Variants in ZC3H4 observed in about 807,000 individuals in gnomAD.
The protein encoded by ZC3H4 is zinc finger CCCH-type containing 4.
Under a neutral mutation model 108.3 loss-of-function variants are expected in ZC3H4, and 13 were observed. That is an observed-to-expected ratio of 0.12 (90% CI 0.08 to 0.19). The LOEUF (loss-of-function observed/expected upper bound fraction) is 0.19, where lower values mean the gene tolerates loss of function less well. ZC3H4 is among the 10% of genes least tolerant of loss of function. The pLI, the probability that ZC3H4 is intolerant of heterozygous loss-of-function variation, is 1.00. For missense variants in ZC3H4, 1,734 were observed against 1,838.8 expected (o/e 0.94, Z 1.04); for synonymous variants, 917 against 749.6 (o/e 1.22, Z -3.65).
rs1376307211 is a variant in ZC3H4, at chr19:47,083,494, C to T, written c.1218+851G>A. On this transcript the variant is annotated intron_variant, in intron 9 of 14. Transcript: ENST00000253048. Reference sequence around the variant, plus strand: ...TCCCAGCACTTCAGGAGGCTGGAATCAGGAGTTTGGGACCAGCCTGGCCAA... The same window carrying T: ...TCCCAGCACTTCAGGAGGCTGGAATTAGGAGTTTGGGACCAGCCTGGCCAA... Among the ~76,000 whole-genome samples the T allele has an allele frequency of 2.0e-5, 3 of 152,106 alleles. No individual in the cohort carries two copies. The East Asian group carries it at 5.8e-4, about 29-fold the overall frequency.
chr19:47,106,130 C>T (rs2057965454), intron 2 of ZC3H4, among the ~76,000 whole-genome samples: 1 of 152,232 alleles, frequency 6.6e-6, no homozygotes, highest in South Asian at 2.1e-4. Context: ...ACCTTCAGGT[C>T]AATTGTGCAC....
intron 11 of ZC3H4, among the ~76,000 whole-genome samples, chr19:47,080,239 A>G (rs2057496941): frequency 6.6e-6 from 1 of 152,222 alleles, no homozygotes; most frequent in South Asian, 2.1e-4. Flanking sequence ...CTCAGGACTG[A>G]TGTTTGGGTA....
chr19:47,073,977 G>GTGGGTGTC (rs1177646445), intron 11 of ZC3H4, among the ~76,000 whole-genome samples: 1 of 152,264 alleles, frequency 6.6e-6, no homozygotes, highest in Admixed American at 6.5e-5. Context: ...AAGAGCAGGG[G>GTGGGTGTC]TGGGTGTCTG....
At chr19:47,085,638 G>A (rs912336393) in intron 6 of ZC3H4, among the ~76,000 whole-genome samples, 21 of 152,132 alleles carry the variant, frequency 1.4e-4, no homozygotes, top group African/African-American at 4.8e-4. Context: ...GCCTCCCTAC[G>A]TACACATCAC....
intron 11 of ZC3H4, among the ~76,000 whole-genome samples, chr19:47,073,946 T>C (rs2057374195): frequency 6.6e-6 from 1 of 152,228 alleles, no homozygotes; most frequent in Non-Finnish European, 1.5e-5. Context: ...TCTCAACTCC[T>C]GACCATGACC....
chr19:47,112,306 T>A, intron 2 of ZC3H4, 118 bp downstream of exon 2: 1 of 1,056,330 alleles, frequency 9.5e-7, no homozygotes, highest in Non-Finnish European at 1.2e-6. Context: ...CCGCCCTTCC[T>A]CCTCCTCCTC....
Position 47,066,245 on chromosome 19 carries a change from G to GA in ZC3H4, c.*110dup. 2.5e-6 allele frequency: 2 copies of GA among 810,826 alleles called. No homozygotes were observed. The highest frequency in any genetic ancestry group is 3.1e-5 in the East Asian group (1 of 32,368). The allele number at this position is 810,826 out of a possible 1,614,324, so 50.2% of individuals were successfully genotyped here. A position where few individuals can be genotyped will look rare whatever the true frequency, so the allele number is the denominator to read the frequency against. On this transcript the variant is annotated 3_prime_UTR_variant, in exon 15 of 15. Coordinates refer to ENST00000253048, the MANE Select transcript of ZC3H4 (RefSeq NM_015168.2). The stretch of plus-strand genomic sequence containing the variant: ...GACGGAAAGCAAAAGAAAAAGAAAA[G>GA]AAAAAAGGAACACCCAGCCTGCCTC...
chr19:47,088,525 G>A (rs566318659), intron 5 of ZC3H4, among the ~76,000 whole-genome samples: 1 of 151,298 alleles, frequency 6.6e-6, no homozygotes, highest in Admixed American at 6.6e-5. Flanking sequence ...TCCAGCCTGG[G>A]CAAAAAGTGA....
chr19:47,079,974 T>C (rs890903210), intron 11 of ZC3H4, among the ~76,000 whole-genome samples: 5 of 152,166 alleles, frequency 3.3e-5, no homozygotes, highest in Admixed American at 6.5e-5. Context: ...CAACGAGGAA[T>C]GGACATTCTC....
intron 6 of ZC3H4, 52 bp downstream of exon 6, chr19:47,086,332 G>A (rs1332445977): frequency 8.7e-6 from 14 of 1,605,760 alleles, no homozygotes; most frequent in Middle Eastern, 1.7e-4. Flanking sequence ...CTCACGCCCC[G>A]GAAAGCCCAC....
rs555875536 is a variant in ZC3H4, at chr19:47,094,706, C to T, written c.162-98G>A. The T allele has an allele frequency of 1.6e-5, 20 of 1,254,164 alleles. No individual in the cohort carries two copies. In the South Asian group the frequency reaches 2.2e-4, roughly 14 times the overall value. The allele number at this position is 1,254,164 out of a possible 1,614,324, so 77.7% of individuals were successfully genotyped here. On this transcript the variant is annotated intron_variant, in intron 2 of 14. Coordinates refer to ENST00000253048, the MANE Select transcript of ZC3H4 (RefSeq NM_015168.2). Reference sequence around the variant, plus strand: ...AGGCTGACAGGAACCGAAGGCCTGACTGCTGTGAGCGAAGTGAGACCCTGG... The same window carrying T: ...AGGCTGACAGGAACCGAAGGCCTGATTGCTGTGAGCGAAGTGAGACCCTGG...
At chr19:47,068,146 T>C (rs528606253) in intron 14 of ZC3H4, among the ~76,000 whole-genome samples, 25 of 152,210 alleles carry the variant, frequency 1.6e-4, no homozygotes, top group Non-Finnish European at 3.1e-4. Context: ...CAGGAGGTAG[T>C]GATACTATCA....
intron 11 of ZC3H4, among the ~76,000 whole-genome samples, chr19:47,073,484 A>G: frequency 6.6e-6 from 1 of 152,166 alleles, no homozygotes; most frequent in East Asian, 1.9e-4. Flanking sequence ...AGGCAGAAGA[A>G]TCGCTTGAAC....
At chr19:47,098,720 C>T (rs897137624) in intron 2 of ZC3H4, among the ~76,000 whole-genome samples, 8 of 152,102 alleles carry the variant, frequency 5.3e-5, no homozygotes, top group African/African-American at 1.9e-4. Flanking sequence ...GCCAAGATCG[C>T]GCCACTGCAC....
chr19:47,087,864 A>C (rs2122919078), intron 5 of ZC3H4, among the ~76,000 whole-genome samples: 1 of 150,602 alleles, frequency 6.6e-6, no homozygotes. Flanking sequence ...ACAGAGTGAG[A>C]CTCTGTCTCA....
chr19:47,089,782 C>T (rs1008989499), intron 5 of ZC3H4, among the ~76,000 whole-genome samples, 185 bp downstream of exon 5: 11 of 152,236 alleles, frequency 7.2e-5, no homozygotes, highest in African/African-American at 2.7e-4. Flanking sequence ...TGGTACCACC[C>T]CAACCACAGC....
intron 2 of ZC3H4, among the ~76,000 whole-genome samples, chr19:47,104,466 T>C (rs2057943690): frequency 6.6e-6 from 1 of 152,150 alleles, no homozygotes; most frequent in African/African-American, 2.4e-5. Flanking sequence ...CAGGTACAGA[T>C]TGGGTACATG....
At chr19:47,076,902 AG>A (rs2057431666) in intron 11 of ZC3H4, among the ~76,000 whole-genome samples, 1 of 152,210 alleles carries the variant, frequency 6.6e-6, no homozygotes, top group South Asian at 2.1e-4. Flanking sequence ...CTGAGGCAGG[AG>A]AATCGCTTGA....
intron 5 of ZC3H4, among the ~76,000 whole-genome samples, chr19:47,087,475 C>T (rs960402239): frequency 6.6e-6 from 1 of 152,026 alleles, no homozygotes. Flanking sequence ...TGGCTCAATC[C>T]TATAATCTCA....
Sources: allele counts gnomAD v4.1 joint callset (sites outside exome capture counted in the v4.1 genomes callset), GRCh38; gene constraint gnomAD v4.1.1; transcripts MANE v1.5; gene names NCBI Gene and HGNC (gene_info 2026-07-23, HGNC 2026-07-21).